The following ABHD2 variants were observed in gnomAD, a reference collection of about 807,000 sequenced individuals.
ABHD2 encodes the protein monoacylglycerol lipase ABHD2.
A neutral mutation model predicts 48.1 loss-of-function variants in ABHD2; 20 were observed. The observed-to-expected ratio is 0.42, with a 90% CI of 0.29 to 0.60. The LOEUF (loss-of-function observed/expected upper bound fraction) is 0.60, where lower values mean the gene tolerates loss of function less well. Among genes scored for constraint, ABHD2 ranks in the 20% least tolerant of loss-of-function variants. ABHD2 has a pLI of 0.24. For missense variants in ABHD2, 405 were observed against 550.9 expected, an observed-to-expected ratio of 0.74 and a Z score of 2.65; for synonymous variants, 209 against 214.2, an observed-to-expected ratio of 0.98 and a Z score of 0.21.
chr15:89,201,847 G>A lies in ABHD2; in HGVS notation c.*6424G>A, dbSNP rs914482217. 7 of 963,178 alleles carry A rather than the reference G, an allele frequency of 7.3e-6. No homozygotes were observed. The highest frequency in any genetic ancestry group is 1.9e-5 in the Admixed American group (1 of 51,962). 59.7% of individuals were successfully genotyped at this position (963,178 alleles called of 1,614,324 possible). ...AGGGGGCGGCTTGCTCGCTGGGGGCGGGGGACGATGGCGAGAGGGGAGGGG... is the reference window on the plus strand; with the variant it reads ...AGGGGGCGGCTTGCTCGCTGGGGGCAGGGGACGATGGCGAGAGGGGAGGGG... On this transcript the variant is annotated 3_prime_UTR_variant, in exon 11 of 11. Transcript: ENST00000352732.
At chr15:89,087,225 A>G (rs1901386051), upstream of ABHD2, 1 of 152,276 alleles carries the variant, frequency 6.6e-6, no homozygotes, top group Non-Finnish European at 1.5e-5. This position sits in a 1 kb window ranked among gnomAD's most constrained non-coding sequence, Gnocchi z 5.5. Context: ...GTTACGCTCC[A>G]TAAAACTTGA....
chr15:89,111,463 G>A (rs1231333826), intron 1 of ABHD2, among the ~76,000 whole-genome samples: 1 of 152,220 alleles, frequency 6.6e-6, no homozygotes, highest in African/African-American at 2.4e-5. Context: ...GCTCCATTAA[G>A]TTGTCAAGAA....
intron 3 of ABHD2, among the ~76,000 whole-genome samples, chr15:89,141,556 C>G (rs2050403043): frequency 6.6e-6 from 1 of 152,146 alleles, no homozygotes; most frequent in Non-Finnish European, 1.5e-5. Flanking sequence ...TCGCTTGAAC[C>G]CGGGAGATGG....
the ABHD2 span, among the ~76,000 whole-genome samples, chr15:89,066,298 C>T: frequency 1.3e-5 from 2 of 152,122 alleles, no homozygotes; most frequent in African/African-American, 4.8e-5. Flanking sequence ...CTCCTCTCTT[C>T]AGGTAGTTGC....
chr15:89,183,790 G>C (rs1219939677), intron 6 of ABHD2, among the ~76,000 whole-genome samples: 4 of 152,140 alleles, frequency 2.6e-5, no homozygotes, highest in Non-Finnish European at 5.9e-5. Flanking sequence ...ACAAAAGCAA[G>C]AACATCCCTT....
chr15:89,043,628 G>GAGGAGGAGGAGGAGGAAGGAGA, the ABHD2 span, among the ~76,000 whole-genome samples: 4 of 137,736 alleles, frequency 2.9e-5, no homozygotes. Flanking sequence ...GAGGCGGAAG[G>GAGGAGGAGGAGGAGGAAGGAGA]AGGAGGAGGA....
chr15:89,130,169 A>G (rs1018107917), intron 3 of ABHD2, among the ~76,000 whole-genome samples: 3 of 152,254 alleles, frequency 2.0e-5, no homozygotes, highest in African/African-American at 4.8e-5. Flanking sequence ...TATTAGTCGA[A>G]GTAAACTAGT....
Position 89,155,590 on chromosome 15 carries a change from C to T in ABHD2, c.538+56C>T. The T allele has an allele frequency of 6.4e-7, 1 of 1,563,902 alleles. No homozygotes were observed. Among genetic ancestry groups the T allele is most frequent in the South Asian group, 1.2e-5 (1 of 85,924 alleles). On this transcript the variant is annotated intron_variant, in intron 5 of 10. Coordinates refer to ENST00000352732, the MANE Select transcript of ABHD2 (RefSeq NM_152924.5). This position sits in a 1 kb window ranked among gnomAD's most constrained non-coding sequence, Gnocchi z 4.9. Reference sequence around the variant, plus strand: ...TTCTGCAAGTGTGCTACTACTTCTGCTTCTGCCTTGTTTTTTCTTTTTTTA... The same window carrying T: ...TTCTGCAAGTGTGCTACTACTTCTGTTTCTGCCTTGTTTTTTCTTTTTTTA...
chr15:89,181,781 T>C (rs903077992), intron 6 of ABHD2, among the ~76,000 whole-genome samples: 2 of 152,250 alleles, frequency 1.3e-5, no homozygotes, highest in East Asian at 3.8e-4. Context: ...AAATATGAAC[T>C]GGAAAGCTGA....
chr15:89,140,419 C>A (rs752247452), intron 3 of ABHD2, among the ~76,000 whole-genome samples: 1 of 152,112 alleles, frequency 6.6e-6, no homozygotes, highest in Non-Finnish European at 1.5e-5. Context: ...GTACCTGATG[C>A]TTTGGAATTT....
intron 1 of ABHD2, chr15:89,103,943 A>T (rs558534958): frequency 6.6e-6 from 1 of 152,326 alleles, no homozygotes; most frequent in South Asian, 2.1e-4. Context: ...TTTAGCTGGT[A>T]GCATTTGTCT....
At chr15:89,050,119 G>T in the ABHD2 span, among the ~76,000 whole-genome samples, 3 of 152,170 alleles carry the variant, frequency 2.0e-5, no homozygotes, top group Non-Finnish European at 4.4e-5. Flanking sequence ...AAAGACAAAG[G>T]GTTCATCCAC....
intron 5 of ABHD2, among the ~76,000 whole-genome samples, chr15:89,171,011 G>A (rs1028223946): frequency 6.6e-6 from 1 of 152,102 alleles, no homozygotes; most frequent in Non-Finnish European, 1.5e-5. Flanking sequence ...AGCTACTCAC[G>A]AGGCTGAGGC....
the ABHD2 span, among the ~76,000 whole-genome samples, chr15:89,042,964 G>A: frequency 6.6e-5 from 10 of 152,144 alleles, no homozygotes; most frequent in East Asian, 5.8e-4. Context: ...CACGGCGCCC[G>A]GCCTATACCT....
chr15:89,181,183 G>A (rs1014693804), intron 6 of ABHD2, among the ~76,000 whole-genome samples: 1 of 118,922 alleles, frequency 8.4e-6, no homozygotes, highest in Non-Finnish European at 1.6e-5. Flanking sequence ...CCGAGATCAT[G>A]CCATTACTGC....
chr15:89,042,615 T>TC, the ABHD2 span, among the ~76,000 whole-genome samples: 67 of 85,934 alleles, frequency 7.8e-4, no homozygotes, highest in Admixed American at 3.1e-3. Context: ...TATTTATTTA[T>TC]TTATTTATTT....
rs372134608 is a variant in ABHD2 at position 89,185,392 on chromosome 15, G to T, written c.723-32G>T. 1 of 1,595,000 alleles carries T rather than the reference G, an allele frequency of 6.3e-7. No individual in the cohort carries two copies. ...GGCTGCCCGCCTGCACCCCCACACCGCAGTCACCCTCACTCGCTGTGGTTC... is the reference window on the plus strand; with the variant it reads ...GGCTGCCCGCCTGCACCCCCACACCTCAGTCACCCTCACTCGCTGTGGTTC... On this transcript the variant is annotated intron_variant, in intron 6 of 10. Coordinates refer to ENST00000352732, the MANE Select transcript of ABHD2 (RefSeq NM_152924.5). The surrounding 1 kb of genome is among the most constrained non-coding windows in gnomAD (Gnocchi z 5.9).
intron 1 of ABHD2, chr15:89,093,896 C>T (rs2049567992): frequency 6.6e-6 from 1 of 152,228 alleles, no homozygotes; most frequent in South Asian, 2.1e-4. Flanking sequence ...GTCTTATAGT[C>T]TTCAGTGGCT....
At position 89,200,149 on chromosome 15, in the gene ABHD2, T is replaced by G. The variant is rs1035830882; in HGVS notation, c.*4726T>G. ...TCTAGTAATAATAAGCTGAAATTAG[T>G]TTTTTTTTTAATTCTCCAATTTAAA... On this transcript the variant is annotated 3_prime_UTR_variant, in exon 11 of 11. Coordinates refer to ENST00000352732, the MANE Select transcript of ABHD2 (RefSeq NM_152924.5). 6 of 150,050 alleles carry G rather than the reference T, an allele frequency of 4.0e-5. No homozygotes were observed. The highest frequency in any genetic ancestry group is 1.3e-4 in the Admixed American group (2 of 15,024). 9.3% of individuals were successfully genotyped at this position (150,050 alleles called of 1,614,324 possible). A position where few individuals can be genotyped will look rare whatever the true frequency, so the allele number is the denominator to read the frequency against.
Sources: allele counts gnomAD v4.1 joint callset (sites outside exome capture counted in the v4.1 genomes callset), GRCh38; gene constraint gnomAD v4.1.1; non-coding constraint Gnocchi (gnomAD v3.1); transcripts MANE v1.5; gene names NCBI Gene and HGNC (gene_info 2026-07-23, HGNC 2026-07-21).